Variants in FRAS1 observed in about 807,000 individuals in gnomAD.
FRAS1 encodes extracellular matrix organizing protein FRAS1.
FRAS1 carries 290 observed loss-of-function variants against 435.2 expected under a neutral mutation model. The ratio of observed to expected loss-of-function variants is 0.67; its 90% CI spans 0.61 to 0.73. FRAS1 has a LOEUF of 0.73. Among genes scored for constraint, FRAS1 ranks in the 30% least tolerant of loss-of-function variants. The pLI, the probability that FRAS1 is intolerant of heterozygous loss-of-function variation, is 0.00. For synonymous variants in FRAS1, 1,800 were observed against 1,851.0 expected, an observed-to-expected ratio of 0.97 and a Z score of 0.71; for missense variants, 4,860 against 5,001.5, an observed-to-expected ratio of 0.97 and a Z score of 0.85.
At chr4:78,074,540 T>G (rs1740535938) in intron 2 of FRAS1, among the ~76,000 whole-genome samples, 1 of 152,186 alleles carries the variant, frequency 6.6e-6, no homozygotes, top group Admixed American at 6.5e-5. Context: ...AGATATTAGT[T>G]GGAACCCAGG....
intron 2 of FRAS1, among the ~76,000 whole-genome samples, chr4:78,094,320 G>A (rs1741686843): frequency 6.6e-6 from 1 of 151,946 alleles, no homozygotes; most frequent in South Asian, 2.1e-4. Context: ...TATTTTGATT[G>A]TTTGAAGCAG....
chr4:78,501,921 G>A (rs1310960513), intron 61 of FRAS1, among the ~76,000 whole-genome samples: 2 of 152,200 alleles, frequency 1.3e-5, no homozygotes, highest in African/African-American at 2.4e-5. Flanking sequence ...AAGGGATCCA[G>A]TTTCAGCTTT....
intron 2 of FRAS1, among the ~76,000 whole-genome samples, chr4:78,127,220 G>A (rs1719411782): frequency 6.6e-6 from 1 of 152,090 alleles, no homozygotes. Flanking sequence ...GGAGGAACTG[G>A]AAGGATTTCA....
chr4:78,272,793 A>T (rs1726779224), intron 9 of FRAS1, among the ~76,000 whole-genome samples: 1 of 152,092 alleles, frequency 6.6e-6, no homozygotes, highest in African/African-American at 2.4e-5. Context: ...TTGGCAATGC[A>T]GGCTCTTTTT....
chr4:78,163,509 T>C (rs1721220680), intron 2 of FRAS1, among the ~76,000 whole-genome samples: 1 of 152,222 alleles, frequency 6.6e-6, no homozygotes, highest in African/African-American at 2.4e-5. Context: ...ATCCACAACT[T>C]AGGAACTGGT....
intron 70 of FRAS1, among the ~76,000 whole-genome samples, 158 bp from the exon 71 acceptor site, chr4:78,534,291 C>T (rs1397731133): frequency 6.6e-6 from 1 of 152,064 alleles, no homozygotes; most frequent in African/African-American, 2.4e-5. Flanking sequence ...AAATAAAGTC[C>T]TTTTACCTTA....
rs371139803 is a variant in FRAS1, at chr4:78,438,977, C to T, written c.5442C>T (p.His1814=). The change falls in exon 40 of 74, where the codon CAC becomes CAT. Residue 1814 remains histidine (H), a synonymous_variant. Transcript: ENST00000512123. ...ATTTCTCTGTCTCTGACATGGACCA[C>T]AACCATCTGGATAATCAGATATTTA... ...SFYFSVSDMD[H]NHLDNQIFTI... 17 of 1,613,248 alleles carry T rather than the reference C, an allele frequency of 1.1e-5. No individual in the cohort carries two copies. The highest frequency in any genetic ancestry group is 1.3e-5 in the Non-Finnish European group (15 of 1,179,354).
At chr4:78,347,787 GTT>G (rs554835851) in intron 20 of FRAS1, among the ~76,000 whole-genome samples, 3,896 of 55,000 alleles carry the variant, frequency 0.071, 155 homozygotes, top group African/African-American at 0.16. Flanking sequence ...GTGTGTGTGT[GTT>G]TTTTTTTTTT....
chr4:78,493,642 C>A (rs1419219333), intron 59 of FRAS1, among the ~76,000 whole-genome samples: 2 of 151,930 alleles, frequency 1.3e-5, no homozygotes, highest in East Asian at 3.9e-4. Context: ...ACATCACACA[C>A]CGGGGCCTGT....
chr4:78,103,007 G>A (rs1050328688), intron 2 of FRAS1, among the ~76,000 whole-genome samples: 2 of 152,138 alleles, frequency 1.3e-5, no homozygotes, highest in Admixed American at 1.3e-4. Context: ...AGAGGCAGAG[G>A]AAACAGCTCA....
intron 18 of FRAS1, among the ~76,000 whole-genome samples, chr4:78,331,611 A>G (rs1318741385): frequency 6.6e-6 from 1 of 152,058 alleles, no homozygotes; most frequent in South Asian, 2.1e-4. Context: ...GTGGTGAAAA[A>G]TCACTTCTGG....
At position 78,543,946 on chromosome 4, in the gene FRAS1, A is replaced by ATTTT. The variant is rs397724155; in HGVS notation, c.*2824_*2825insTTTT. The ATTTT allele has an allele frequency of 0.62, 93,964 of 152,066 alleles. 29,155 individuals are homozygous for ATTTT. The highest frequency in any genetic ancestry group is 0.83 in the East Asian group (4,263 of 5,154). The allele number at this position is 152,066 out of a possible 1,614,324, so 9.4% of individuals were successfully genotyped here. ...GTTAAAAGAAAGAATGGTCTGTACC[A>ATTTT]TTCTGCTTTGCTGCCCTTTTATTGT... On this transcript the variant is annotated 3_prime_UTR_variant, in exon 74 of 74. Transcript: ENST00000512123.
intron 22 of FRAS1, among the ~76,000 whole-genome samples, chr4:78,364,367 A>T (rs550210944): frequency 6.6e-6 from 1 of 152,228 alleles, no homozygotes; most frequent in South Asian, 2.1e-4. Context: ...AGTTTGTTTC[A>T]TCTTTATAGT....
At chr4:78,081,318 G>T (rs1227346340) in intron 2 of FRAS1, among the ~76,000 whole-genome samples, 1 of 152,160 alleles carries the variant, frequency 6.6e-6, no homozygotes, top group African/African-American at 2.4e-5. Context: ...ACTGAGCACT[G>T]GAAATGCAGC....
intron 29 of FRAS1, among the ~76,000 whole-genome samples, chr4:78,388,874 C>T (rs543325193): frequency 9.2e-5 from 14 of 152,224 alleles, no homozygotes; most frequent in East Asian, 3.9e-4. Flanking sequence ...TTTATGTTTT[C>T]GCCATATCCA....
At chr4:78,295,269 G>A (rs1302816610) in intron 14 of FRAS1, among the ~76,000 whole-genome samples, 1 of 151,908 alleles carries the variant, frequency 6.6e-6, no homozygotes, top group African/African-American at 2.4e-5. Flanking sequence ...TGTGACTACC[G>A]GGTCCAAAGG....
intron 9 of FRAS1, among the ~76,000 whole-genome samples, chr4:78,271,465 TACCCCCAACCCACA>T (rs1218819501): frequency 6.8e-6 from 1 of 147,034 alleles, no homozygotes; most frequent in Non-Finnish European, 1.5e-5. Flanking sequence ...CCCTCCCCCC[TACCCCCAACCCACA>T]ACAGGGCCTG....
chr4:78,103,698 C>A (rs1742246239), intron 2 of FRAS1, among the ~76,000 whole-genome samples: 1 of 152,158 alleles, frequency 6.6e-6, no homozygotes, highest in South Asian at 2.1e-4. Context: ...CCAGCCAACC[C>A]CTTTCACCAT....
At chr4:78,096,817 T>C (rs7666444) in intron 2 of FRAS1, among the ~76,000 whole-genome samples, 33,144 of 152,226 alleles carry the variant, frequency 0.22, 3,972 homozygotes, top group Admixed American at 0.29. Flanking sequence ...GGGGCTGCTG[T>C]GAAGACCTCT....
Sources: allele counts gnomAD v4.1 joint callset (sites outside exome capture counted in the v4.1 genomes callset), GRCh38; gene constraint gnomAD v4.1.1; transcripts MANE v1.5; gene names NCBI Gene and HGNC (gene_info 2026-07-23, HGNC 2026-07-21).